The following ALK variants were observed in gnomAD, a reference collection of about 807,000 sequenced individuals.
ALK encodes the protein ALK receptor tyrosine kinase.
ALK carries 74 observed loss-of-function variants against 163.1 expected under a neutral mutation model. The observed-to-expected ratio is 0.45, with a 90% confidence interval of 0.38 to 0.55. ALK has a LOEUF of 0.55. Among genes scored for constraint, ALK ranks in the 20% least tolerant of loss-of-function variants. The pLI is 0.00. For missense variants in ALK, 2,063 were observed against 2,105.3 expected, an observed-to-expected ratio of 0.98 and a Z score of 0.39; for synonymous variants, 960 against 843.2, an observed-to-expected ratio of 1.14 and a Z score of -2.40.
chr2:29,296,185 G>A (rs971920207), intron 9 of ALK, among the ~76,000 whole-genome samples: 2 of 152,212 alleles, frequency 1.3e-5, no homozygotes, highest in Non-Finnish European at 2.9e-5. Flanking sequence ...GCCCAAAGAA[G>A]TCAAGGATGT....
At chr2:29,805,513 G>A (rs1040337898) in intron 1 of ALK, among the ~76,000 whole-genome samples, 2 of 152,086 alleles carry the variant, frequency 1.3e-5, no homozygotes, top group Non-Finnish European at 2.9e-5. Flanking sequence ...TCCCAGACAG[G>A]CCCCAGTGTG....
At chr2:29,887,409 C>T (rs1346097619) in intron 1 of ALK, among the ~76,000 whole-genome samples, 1 of 152,134 alleles carries the variant, frequency 6.6e-6, no homozygotes. Context: ...AAGTTAGCAT[C>T]TCAAGAGAAT....
Position 29,239,824 on chromosome 2 carries a change from C to G in ALK, c.2211G>C (p.Ser737=), listed in dbSNP as rs755251302. Residue 737 remains serine (S), a synonymous_variant, in exon 13 of 29, where the codon TCG becomes TCC. Transcript: ENST00000389048. ...KVPATDTYSI[S]GYGAAGGKGG... ...CTTTCCCGCCAGCAGCTCCGTAGCC[C>G]GAGATGCTGCAATGGGACAAAGAAC... The G allele has an allele frequency of 6.2e-7, 1 of 1,613,464 alleles. No individual in the cohort carries two copies. Among genetic ancestry groups the G allele is most frequent in the Non-Finnish European group, 8.5e-7 (1 of 1,179,840 alleles).
At chr2:29,608,637 C>T (rs1271577850) in intron 3 of ALK, among the ~76,000 whole-genome samples, 4 of 152,180 alleles carry the variant, frequency 2.6e-5, no homozygotes, top group Admixed American at 1.3e-4. Flanking sequence ...TTTGAATGGA[C>T]GATGCTTGCT....
intron 8 of ALK, among the ~76,000 whole-genome samples, chr2:29,311,855 T>G (rs776932126): frequency 2.3e-4 from 35 of 152,076 alleles, no homozygotes; most frequent in Non-Finnish European, 3.5e-4. Flanking sequence ...TATCAAGGTA[T>G]GGGGTTATTG....
chr2:29,836,225 A>G (rs1385752187), intron 1 of ALK, among the ~76,000 whole-genome samples: 1 of 152,198 alleles, frequency 6.6e-6, no homozygotes, highest in Non-Finnish European at 1.5e-5. Flanking sequence ...TCAAAATAGC[A>G]AATTTTATCA....
intron 1 of ALK, among the ~76,000 whole-genome samples, chr2:29,779,875 A>C (rs147290752): frequency 2.6e-5 from 4 of 152,348 alleles, no homozygotes; most frequent in African/African-American, 9.6e-5. Flanking sequence ...GTAAAAACAG[A>C]GATTAGACCT....
chr2:29,521,163 C>T (rs1208835034), intron 4 of ALK, among the ~76,000 whole-genome samples: 1 of 152,192 alleles, frequency 6.6e-6, no homozygotes, highest in African/African-American at 2.4e-5. Context: ...ATTATGTGTG[C>T]ATCATTTGAG....
rs185413697 is a variant in ALK, at chr2:29,351,440, C to T, written c.1283-22959G>A. On this transcript the variant is annotated intron_variant, in intron 5 of 28. Transcript: ENST00000389048. ...AAAAGCGTTAACTGCATGCTCACTC[C>T]TCCTCCCTTCATTGTCCAGGGACCA... 2.1e-3 allele frequency among the ~76,000 whole-genome samples: 321 copies of T among 152,222 alleles called. 3 individuals carry two copies. Among genetic ancestry groups the T allele is most frequent in the African/African-American group, 7.4e-3 (306 of 41,540 alleles).
intron 4 of ALK, among the ~76,000 whole-genome samples, chr2:29,471,256 A>G (rs1671340344): frequency 1.3e-5 from 2 of 152,238 alleles, no homozygotes; most frequent in African/African-American, 2.4e-5. Context: ...TCTTAGCAGA[A>G]GATAGAAAAA....
intron 6 of ALK, 69 bp from the exon 7 acceptor site, chr2:29,320,951 C>T (rs1054973958): frequency 1.1e-5 from 17 of 1,604,962 alleles, no homozygotes; most frequent in African/African-American, 8.0e-5. Context: ...AATGCCAAGT[C>T]GAATTAGCCA....
chr2:29,234,625 C>T (rs1389138939), intron 13 of ALK, among the ~76,000 whole-genome samples: 4 of 152,194 alleles, frequency 2.6e-5, no homozygotes, highest in Middle Eastern at 3.4e-3. Context: ...CAGGGGCCCT[C>T]GATCTCTGAT....
intron 3 of ALK, among the ~76,000 whole-genome samples, chr2:29,534,279 C>T (rs558836937): frequency 6.6e-6 from 1 of 152,308 alleles, no homozygotes; most frequent in African/African-American, 2.4e-5. Flanking sequence ...CAAGTCCACA[C>T]AAGGGCAAGA....
intron 8 of ALK, among the ~76,000 whole-genome samples, chr2:29,311,392 C>T (rs1012759414): frequency 2.6e-5 from 4 of 152,176 alleles, no homozygotes; most frequent in African/African-American, 9.7e-5. Flanking sequence ...ATATGCTGCT[C>T]AGCTCTTCCT....
chr2:29,595,889 A>G (rs6722973), intron 3 of ALK, among the ~76,000 whole-genome samples: 7,153 of 152,278 alleles, frequency 0.047, 575 homozygotes, highest in African/African-American at 0.16. Context: ...AAAAAGCAGA[A>G]GAACCCTGGA....
intron 1 of ALK, among the ~76,000 whole-genome samples, chr2:29,915,856 G>A (rs891696488): frequency 7.2e-5 from 11 of 152,096 alleles, no homozygotes; most frequent in African/African-American, 2.2e-4. Context: ...TATACAGATC[G>A]CACCCCAGAG....
At chr2:29,248,194 G>A (rs1049707566) in intron 12 of ALK, among the ~76,000 whole-genome samples, 4 of 152,138 alleles carry the variant, frequency 2.6e-5, no homozygotes, top group Non-Finnish European at 4.4e-5. Context: ...AACAGTGACT[G>A]GCCGGGTGTG....
intron 1 of ALK, among the ~76,000 whole-genome samples, chr2:29,858,903 C>T (rs980822263): frequency 3.3e-5 from 5 of 151,818 alleles, no homozygotes; most frequent in South Asian, 2.1e-4. Context: ...GCCAGGCACA[C>T]GTGCCTGTAG....
At chr2:29,426,655 A>C (rs994496308) in intron 4 of ALK, among the ~76,000 whole-genome samples, 3 of 152,186 alleles carry the variant, frequency 2.0e-5, no homozygotes, top group African/African-American at 7.2e-5. Context: ...ACCCACACAC[A>C]CACCAAAGAA....
Sources: allele counts gnomAD v4.1 joint callset (sites outside exome capture counted in the v4.1 genomes callset), GRCh38; gene constraint gnomAD v4.1.1; transcripts MANE v1.5; gene names NCBI Gene and HGNC (gene_info 2026-07-23, HGNC 2026-07-21).